The following CNTNAP2 variants were observed in gnomAD, a reference collection of about 807,000 sequenced individuals.
CNTNAP2 encodes contactin associated protein 2, also known as contactin-associated protein-like 2.
In CNTNAP2, 98 loss-of-function variants were observed where a neutral mutation model predicts 155.2. The ratio of observed to expected loss-of-function variants is 0.63; its 90% CI spans 0.54 to 0.75. The LOEUF (loss-of-function observed/expected upper bound fraction) is 0.75, where lower values mean the gene tolerates loss of function less well. CNTNAP2 is among the 30% of genes least tolerant of loss of function. The probability of loss-of-function intolerance (pLI) is 0.00; values close to 1 mark genes in which losing one functional copy is unlikely to be tolerated. For synonymous variants in CNTNAP2, 651 were observed against 631.2 expected (o/e 1.03, Z -0.47); for missense variants, 1,727 against 1,688.1 (o/e 1.02, Z -0.40).
intron 1 of CNTNAP2, among the ~76,000 whole-genome samples, chr7:146,145,914 T>C (rs947619528): frequency 6.6e-6 from 1 of 152,184 alleles, no homozygotes; most frequent in Non-Finnish European, 1.5e-5. Flanking sequence ...ACTTTCAATA[T>C]CTAGGACAGA....
intron 9 of CNTNAP2, among the ~76,000 whole-genome samples, chr7:147,392,742 C>A (rs1796742191): frequency 6.6e-6 from 1 of 151,984 alleles, no homozygotes; most frequent in Non-Finnish European, 1.5e-5. Flanking sequence ...AAAAAAGCCA[C>A]ATATTCATGG....
intron 1 of CNTNAP2, among the ~76,000 whole-genome samples, chr7:146,652,061 G>T (rs1343875645): frequency 6.6e-6 from 1 of 151,946 alleles, no homozygotes; most frequent in Non-Finnish European, 1.5e-5. Flanking sequence ...TAGAAATAAC[G>T]ATAAATTGAA....
At chr7:146,464,479 C>T (rs1053103447) in intron 1 of CNTNAP2, among the ~76,000 whole-genome samples, 1 of 152,060 alleles carries the variant, frequency 6.6e-6, no homozygotes, top group African/African-American at 2.4e-5. Context: ...AAATTGGAAA[C>T]ATAAGCTAAT....
chr7:147,348,326 T>C (rs1035917363), intron 9 of CNTNAP2, among the ~76,000 whole-genome samples: 1 of 150,962 alleles, frequency 6.6e-6, no homozygotes, highest in Non-Finnish European at 1.5e-5. Flanking sequence ...TATTTTAAAA[T>C]GGGCAAATGA....
chr7:146,864,613 T>C (rs921654391), intron 3 of CNTNAP2, among the ~76,000 whole-genome samples: 1 of 152,164 alleles, frequency 6.6e-6, no homozygotes, highest in Non-Finnish European at 1.5e-5. Context: ...AAGATTGGAA[T>C]AGAAGAAGTA....
At chr7:146,712,952 T>G (rs879321776) in intron 1 of CNTNAP2, among the ~76,000 whole-genome samples, 2 of 152,040 alleles carry the variant, frequency 1.3e-5, no homozygotes, top group Non-Finnish European at 2.9e-5. Flanking sequence ...AATGTTGATT[T>G]CTTCACGCTG....
At chr7:146,847,575 T>G (rs2129202241) in intron 3 of CNTNAP2, among the ~76,000 whole-genome samples, 1 of 152,338 alleles carries the variant, frequency 6.6e-6, no homozygotes, top group Non-Finnish European at 1.5e-5. Flanking sequence ...TATACATTTG[T>G]GATTTCTAGG....
intron 18 of CNTNAP2, among the ~76,000 whole-genome samples, chr7:148,199,913 A>AG (rs1223009355): frequency 6.6e-6 from 1 of 152,236 alleles, no homozygotes; most frequent in African/African-American, 2.4e-5. Flanking sequence ...CTTCAGAACC[A>AG]GGGGGACAAC....
intron 1 of CNTNAP2, among the ~76,000 whole-genome samples, chr7:146,203,226 G>A (rs1027668608): frequency 6.6e-6 from 1 of 152,140 alleles, no homozygotes; most frequent in African/African-American, 2.4e-5. Context: ...TCTGGAGTTA[G>A]CATCAGATCC....
chr7:146,980,351 G>A (rs990735677), intron 3 of CNTNAP2, among the ~76,000 whole-genome samples: 8 of 152,200 alleles, frequency 5.3e-5, no homozygotes, highest in African/African-American at 1.7e-4. Flanking sequence ...TCAAGCTGCT[G>A]TAACACATAA....
chr7:147,916,718 G>GA (rs199570683), intron 14 of CNTNAP2, among the ~76,000 whole-genome samples: 1,547 of 149,270 alleles, frequency 0.01, 32 homozygotes, highest in African/African-American at 0.037. Flanking sequence ...ATCAATCATG[G>GA]AAAAAAAAAG....
chr7:146,828,331 A>C (rs1803446638), intron 2 of CNTNAP2, among the ~76,000 whole-genome samples: 1 of 152,094 alleles, frequency 6.6e-6, no homozygotes, highest in African/African-American at 2.4e-5. Flanking sequence ...TAAGCCAATA[A>C]GAAATAAAAT....
intron 11 of CNTNAP2, among the ~76,000 whole-genome samples, chr7:147,526,968 G>T (rs1799333342): frequency 7.0e-6 from 1 of 143,838 alleles, no homozygotes; most frequent in Admixed American, 7.0e-5. Context: ...TTAACCAATA[G>T]AACAGGTATA....
intron 1 of CNTNAP2, among the ~76,000 whole-genome samples, chr7:146,249,885 G>GA (rs1302748936): frequency 4.0e-5 from 6 of 151,370 alleles, no homozygotes; most frequent in Non-Finnish European, 7.4e-5. Flanking sequence ...GACTTTTCTT[G>GA]AAAAAAAGAA....
At chr7:147,432,700 A>T (rs180855611) in intron 10 of CNTNAP2, among the ~76,000 whole-genome samples, 76 of 152,202 alleles carry the variant, frequency 5.0e-4, no homozygotes, top group Middle Eastern at 3.4e-3. Context: ...TTTTGAAATC[A>T]TATGCTCCTC....
rs377373058 is a variant in CNTNAP2, at chr7:147,812,061, A to C, written c.2099-91504A>C. On this transcript the variant is annotated intron_variant, in intron 13 of 23. Coordinates refer to ENST00000361727, the MANE Select transcript of CNTNAP2 (RefSeq NM_014141.6). ...AGTTGTGAGGATGGCTTATAATTTT[A>C]AATAGAGTTGTGGGAATTGGCCTCA... 2.0e-4 allele frequency among the ~76,000 whole-genome samples: 30 copies of C among 152,342 alleles called. No individual in the cohort carries two copies. In the South Asian group the frequency reaches 6.0e-3, roughly 31 times the overall value.
At chr7:147,377,997 C>A (rs1335704107) in intron 9 of CNTNAP2, 3 of 466,974 alleles carry the variant, frequency 6.4e-6, no homozygotes, top group African/African-American at 6.0e-5. Context: ...GATTCTCCAT[C>A]ATTCTCCCTT....
At chr7:147,477,614 G>C (rs1798345337) in intron 10 of CNTNAP2, among the ~76,000 whole-genome samples, 1 of 152,106 alleles carries the variant, frequency 6.6e-6, no homozygotes, top group African/African-American at 2.4e-5. Context: ...TCCATGCCTA[G>C]TAAAAAATGT....
intron 15 of CNTNAP2, among the ~76,000 whole-genome samples, chr7:148,017,126 G>A (rs561346323): frequency 4.6e-5 from 7 of 152,306 alleles, no homozygotes; most frequent in East Asian, 1.9e-4. Flanking sequence ...AGTCCTGCCC[G>A]GATCTCAGCA....
Sources: gnomAD v4.1 joint callset for allele counts (sites outside exome capture counted in the v4.1 genomes callset) on GRCh38, gnomAD v4.1.1 for gene constraint, MANE v1.5 for transcripts, NCBI Gene and HGNC (gene_info 2026-07-23, HGNC 2026-07-21) for gene names.